RNPC3: variants seen among roughly 807,000 people sequenced by gnomAD.
RNPC3 encodes the protein RNA-binding region-containing protein 3.
A neutral mutation model predicts 67.5 loss-of-function variants in RNPC3; 48 were observed. The observed-to-expected ratio is 0.71, with a 90% CI of 0.56 to 0.90. The LOEUF (loss-of-function observed/expected upper bound fraction) is 0.90, where lower values mean the gene tolerates loss of function less well. Among genes scored for constraint, RNPC3 ranks in the 40% least tolerant of loss-of-function variants. The probability of loss-of-function intolerance (pLI) is 0.00; values close to 1 mark genes in which losing one functional copy is unlikely to be tolerated. For missense variants in RNPC3, 637 were observed against 626.1 expected (o/e 1.02, Z -0.19); for synonymous variants, 239 against 210.3 (o/e 1.14, Z -1.18).
At chr1:103,531,411 T>G (rs1473597092) in intron 2 of RNPC3, among the ~76,000 whole-genome samples, 1 of 152,208 alleles carries the variant, frequency 6.6e-6, no homozygotes, top group African/African-American at 2.4e-5. Context: ...TTTAGTTCTT[T>G]AAGGAATCTC....
At chr1:103,526,732 A>G (rs1650721214) in intron 1 of RNPC3, among the ~76,000 whole-genome samples, 1 of 152,362 alleles carries the variant, frequency 6.6e-6, no homozygotes, top group East Asian at 1.9e-4. Flanking sequence ...TTCAACTAGA[A>G]AAAGAGGCTT....
intron 2 of RNPC3, among the ~76,000 whole-genome samples, chr1:103,532,040 T>C (rs1443687227): frequency 2.6e-5 from 4 of 152,198 alleles, no homozygotes; most frequent in Admixed American, 6.5e-5. Flanking sequence ...TTCATTCTTC[T>C]ACATGCGACT....
At chr1:103,550,833 A>G (rs910499054) in intron 12 of RNPC3, 108 bp from the exon 13 acceptor site, 4 of 1,066,436 alleles carry the variant, frequency 3.8e-6, no homozygotes, top group Non-Finnish European at 4.2e-6. Flanking sequence ...TGCCTATCAA[A>G]TAGTGTAGTC....
intron 13 of RNPC3, chr1:103,551,383 T>C (rs371829758): frequency 2.8e-6 from 1 of 353,750 alleles, no homozygotes; most frequent in Non-Finnish European, 5.0e-6. Flanking sequence ...ATAAAAGAAC[T>C]AATTCATTTT....
intron 7 of RNPC3, among the ~76,000 whole-genome samples, chr1:103,538,879 A>G (rs1343558813): frequency 1.3e-5 from 2 of 152,196 alleles, no homozygotes; most frequent in Non-Finnish European, 2.9e-5. Flanking sequence ...AGAATAGTAC[A>G]TTGTTAATAA....
rs767794542 is a variant in RNPC3, at chr1:103,550,938, T to C, written c.1362-3T>C. 2 of 1,610,230 alleles carry C rather than the reference T, an allele frequency of 1.2e-6. No individual in the cohort carries two copies. The highest frequency in any genetic ancestry group is 1.7e-6 in the Non-Finnish European group (2 of 1,179,096). ...TTGAATCAAAACTGTTTCTTCCTTC[T>C]AGGTTTGATATACGTTTGATGAAAG... On this transcript the variant is annotated splice_polypyrimidine_tract_variant and splice_region_variant and intron_variant, in intron 12 of 14. Transcript: ENST00000423855.
intron 8 of RNPC3, among the ~76,000 whole-genome samples, chr1:103,542,669 A>G (rs1651149577): frequency 6.6e-6 from 1 of 151,802 alleles, no homozygotes; most frequent in Admixed American, 6.6e-5. Flanking sequence ...TGTTTTATAC[A>G]TGTTTGATTT....
At chr1:103,531,267 G>A (rs992801410) in intron 2 of RNPC3, among the ~76,000 whole-genome samples, 2 of 152,136 alleles carry the variant, frequency 1.3e-5, no homozygotes, top group Non-Finnish European at 2.9e-5. Context: ...CATTTGGGCT[G>A]GTTCCGTATT....
At chr1:103,554,697 C>G (rs1651490293) in intron 14 of RNPC3, 1 of 152,476 alleles carries the variant, frequency 6.6e-6, no homozygotes, top group South Asian at 2.1e-4. Flanking sequence ...ATATTAATAA[C>G]TAGGAAAATA....
At chr1:103,552,549 C>G (rs925161580) in intron 14 of RNPC3, 4 of 152,032 alleles carry the variant, frequency 2.6e-5, no homozygotes, top group African/African-American at 7.3e-5. Flanking sequence ...ATCACAAGGT[C>G]CAGAGATCAA....
intron 12 of RNPC3, among the ~76,000 whole-genome samples, chr1:103,549,561 G>A (rs1219924526): frequency 1.3e-5 from 2 of 151,972 alleles, no homozygotes; most frequent in Non-Finnish European, 2.9e-5. Flanking sequence ...AGTTTTTTAT[G>A]TATTACTTTG....
At chr1:103,544,004 TAA>T (rs1419758020) in intron 9 of RNPC3, among the ~76,000 whole-genome samples, 1 of 151,800 alleles carries the variant, frequency 6.6e-6, no homozygotes, top group East Asian at 1.9e-4. Context: ...TTTTGTTCTT[TAA>T]GTCTTTATTT....
chr1:103,546,640 A>G, intron 11 of RNPC3: 1 of 315,028 alleles, frequency 3.2e-6, no homozygotes, highest in Non-Finnish European at 5.7e-6. Context: ...GGCAAACTGA[A>G]GTCAAAAGTG....
chr1:103,533,862 G>A lies in RNPC3; in HGVS notation c.359+5G>A. ...AGGCTCTGAAAAAAAAAAAAGGTAT[G>A]TAGATCAGTAAATCATACATTTTTG... On this transcript the variant is annotated splice_donor_5th_base_variant and intron_variant, in intron 3 of 14. Coordinates refer to ENST00000423855, the MANE Select transcript of RNPC3 (RefSeq NM_017619.4). 1.6e-6 allele frequency: 2 copies of A among 1,271,804 alleles called. No individual in the cohort carries two copies. Among genetic ancestry groups the A allele is most frequent in the Non-Finnish European group, 2.2e-6 (2 of 910,442 alleles). 78.8% of individuals were successfully genotyped at this position (1,271,804 alleles called of 1,614,324 possible). A position where few individuals can be genotyped will look rare whatever the true frequency, so the allele number is the denominator to read the frequency against.
chr1:103,526,223 G>A lies in RNPC3; in HGVS notation c.153G>A (p.Gly51=), dbSNP rs961656051. The A allele has an allele frequency of 6.4e-7, 1 of 1,551,042 alleles. No homozygotes were observed. Among genetic ancestry groups the A allele is most frequent in the Non-Finnish European group, 8.7e-7 (1 of 1,146,774 alleles). ...AAGAGGACTTGCTGAAGTACTTCGG[G>A]GCTCAGTCTGTGCGGGTCCTGTCAG... ...EEKEDLLKYF[G]AQSVRVLSDK... The change falls in exon 1 of 15, where the codon GGG becomes GGA. Residue 51 remains glycine (G), a synonymous_variant. Transcript: ENST00000423855.
intron 12 of RNPC3, 130 bp from the exon 13 acceptor site, chr1:103,550,811 G>A: frequency 2.4e-6 from 2 of 824,504 alleles, no homozygotes; most frequent in Non-Finnish European, 3.9e-6. Context: ...TTAGAAAACT[G>A]AATAATTGAC....
chr1:103,547,646 G>T (rs781159545), intron 12 of RNPC3, among the ~76,000 whole-genome samples: 2 of 152,174 alleles, frequency 1.3e-5, no homozygotes, highest in Admixed American at 6.5e-5. Context: ...AAACTTTTTA[G>T]ATTCTTATTC....
chr1:103,552,125 G>T (rs1651405843), intron 14 of RNPC3: 1 of 159,498 alleles, frequency 6.3e-6, no homozygotes, highest in African/African-American at 2.4e-5. Context: ...AGATTCGTAG[G>T]TTCCTTCCTT....
chr1:103,535,190 A>G (rs1650950532), intron 4 of RNPC3, 140 bp from the exon 5 acceptor site: 1 of 574,524 alleles, frequency 1.7e-6, no homozygotes, highest in African/African-American at 1.9e-5. Flanking sequence ...TTTTAAATGT[A>G]CTTTGGATCT....
Sources: allele counts gnomAD v4.1 joint callset (sites outside exome capture counted in the v4.1 genomes callset), GRCh38; gene constraint gnomAD v4.1.1; transcripts MANE v1.5; gene names NCBI Gene and HGNC (gene_info 2026-07-23, HGNC 2026-07-21).